Variants in CSMD1 observed in about 807,000 individuals in gnomAD.
The protein encoded by CSMD1 is CUB and Sushi multiple domains 1, also known as CUB and sushi domain-containing protein 1.
Under a neutral mutation model 417.5 loss-of-function variants are expected in CSMD1, and 213 were observed. The observed-to-expected ratio is 0.51, with a 90% CI of 0.46 to 0.57. The LOEUF is 0.57. CSMD1 is among the 20% of genes least tolerant of loss of function. CSMD1 has a pLI of 0.00. For missense variants in CSMD1, 6,923 were observed against 4,529.7 expected, an observed-to-expected ratio of 1.53 and a Z score of -15.17; for synonymous variants, 2,862 against 1,736.8, an observed-to-expected ratio of 1.65 and a Z score of -16.11.
At chr8:3,075,022 G>C (rs1441833827) in intron 49 of CSMD1, among the ~76,000 whole-genome samples, 1 of 149,842 alleles carries the variant, frequency 6.7e-6, no homozygotes, top group African/African-American at 2.5e-5. Context: ...TCATGATAGT[G>C]AGTGAGTTCT....
Position 3,915,927 on chromosome 8 carries a change from C to T in CSMD1, c.818+81976G>A, listed in dbSNP as rs1460859688. ...ATTGTGTGAGTTATCTGAGGCAGAC[C>T]TACATAAACTGGCTCCAAACTTTAG... On this transcript the variant is annotated intron_variant, in intron 5 of 69. Coordinates refer to ENST00000635120, the MANE Select transcript of CSMD1 (RefSeq NM_033225.6). 6.0e-5 allele frequency among the ~76,000 whole-genome samples: 9 copies of T among 150,658 alleles called. No homozygotes were observed. The East Asian group carries it at 1.8e-3, about 30-fold the overall frequency.
In CSMD1 at chr8:3,496,082, C is replaced by T. The variant is rs185550441; in HGVS notation, c.1345-2356G>A. Among the ~76,000 whole-genome samples the T allele has an allele frequency of 5.9e-5, 9 of 152,218 alleles. No individual in the cohort carries two copies. In the East Asian group the frequency reaches 1.7e-3, roughly 29 times the overall value. ...CAACCAATGTTCCCGAAATAGGCTC[C>T]GATGTGTGTTGTTCCTCTCCCTGTG... On this transcript the variant is annotated intron_variant, in intron 10 of 69. Transcript: ENST00000635120.
At chr8:3,026,665 C>T (rs904426252) in intron 51 of CSMD1, among the ~76,000 whole-genome samples, 14 of 152,208 alleles carry the variant, frequency 9.2e-5, no homozygotes, top group African/African-American at 3.4e-4. Flanking sequence ...CCTGTGAGAC[C>T]GTGAGCAGAG....
chr8:3,572,965 A>T (rs879384504), intron 10 of CSMD1, among the ~76,000 whole-genome samples: 11 of 152,232 alleles, frequency 7.2e-5, no homozygotes, highest in African/African-American at 1.7e-4. Flanking sequence ...AAATGCAGAA[A>T]TTAGTAAACA....
At chr8:3,244,574 C>T (rs1563180262) in intron 26 of CSMD1, among the ~76,000 whole-genome samples, 1 of 152,166 alleles carries the variant, frequency 6.6e-6, no homozygotes, top group Non-Finnish European at 1.5e-5. Flanking sequence ...GACATCAGCT[C>T]TTCAAAGGGG....
chr8:4,368,159 T>C (rs770636920), intron 3 of CSMD1, among the ~76,000 whole-genome samples: 2 of 152,156 alleles, frequency 1.3e-5, no homozygotes, highest in African/African-American at 2.4e-5. Context: ...TTTTTTGAGA[T>C]ATATTCCTTC....
intron 5 of CSMD1, among the ~76,000 whole-genome samples, chr8:3,915,264 G>T (rs1411749480): frequency 6.6e-6 from 1 of 151,834 alleles, no homozygotes; most frequent in African/African-American, 2.4e-5. Flanking sequence ...AAATTATCTG[G>T]GCATGGTAGT....
intron 6 of CSMD1, among the ~76,000 whole-genome samples, chr8:3,741,234 A>C (rs12678488): frequency 0.15 from 21,577 of 148,256 alleles, 1,865 homozygotes; most frequent in Middle Eastern, 0.17. Flanking sequence ...AAAAAAAAAA[A>C]AAAAAAACAT....
chr8:3,126,047 A>G (rs1353000240), intron 41 of CSMD1, among the ~76,000 whole-genome samples: 11 of 152,188 alleles, frequency 7.2e-5, no homozygotes, highest in Non-Finnish European at 1.2e-4. Context: ...TACATACATG[A>G]GCCTTGAAGT....
At chr8:4,124,120 G>C (rs1017903260) in intron 3 of CSMD1, among the ~76,000 whole-genome samples, 3 of 152,102 alleles carry the variant, frequency 2.0e-5, no homozygotes, top group African/African-American at 7.2e-5. Context: ...ACTATTTTCT[G>C]CAAGAAGTCA....
chr8:3,669,162 G>A (rs1210260378), intron 7 of CSMD1, among the ~76,000 whole-genome samples: 3 of 152,172 alleles, frequency 2.0e-5, no homozygotes, highest in Non-Finnish European at 4.4e-5. Flanking sequence ...AGGAAAGCAC[G>A]TACAAATGAG....
chr8:3,771,004 C>G (rs1040990408), intron 5 of CSMD1, among the ~76,000 whole-genome samples: 4 of 135,314 alleles, frequency 3.0e-5, no homozygotes, highest in African/African-American at 1.2e-4. Flanking sequence ...CTCTCTCTCT[C>G]TCTGTCAGTG....
intron 3 of CSMD1, among the ~76,000 whole-genome samples, chr8:4,298,367 T>A (rs1047287947): frequency 6.6e-6 from 1 of 152,164 alleles, no homozygotes; most frequent in African/African-American, 2.4e-5. Context: ...CTGTAATAGT[T>A]TTTATTTACT....
At chr8:3,839,695 G>A (rs1802990567) in intron 5 of CSMD1, among the ~76,000 whole-genome samples, 1 of 149,230 alleles carries the variant, frequency 6.7e-6, no homozygotes, top group Admixed American at 6.9e-5. Context: ...TTTGGGAGCT[G>A]TTGTGGAGAA....
chr8:4,032,652 T>C (rs980819108), intron 3 of CSMD1, among the ~76,000 whole-genome samples: 5 of 152,206 alleles, frequency 3.3e-5, no homozygotes, highest in Admixed American at 2.0e-4. Flanking sequence ...GATCCATCAA[T>C]GTATAAAAAA....
chr8:4,878,668 T>C lies in CSMD1; in HGVS notation c.85+115664A>G, dbSNP rs188010332. Among the ~76,000 whole-genome samples the C allele has an allele frequency of 1.4e-3, 219 of 151,988 alleles. 1 individual carries two copies. The highest frequency in any genetic ancestry group is 7.3e-3 in the Admixed American group (112 of 15,270). On this transcript the variant is annotated intron_variant, in intron 1 of 69. Coordinates refer to ENST00000635120, the MANE Select transcript of CSMD1 (RefSeq NM_033225.6). ...AAAGGAAATTTCATTACTTGTGAAA[T>C]GTGTAGGGTCTTATATTCTGTATTT... is the stretch of plus-strand genomic sequence containing the variant.
At chr8:4,296,006 T>C (rs10094999) in intron 3 of CSMD1, among the ~76,000 whole-genome samples, 145,052 of 151,844 alleles carry the variant, frequency 0.96, 69,645 homozygotes, top group East Asian at 1. Flanking sequence ...AAAGACTTTA[T>C]CTCCAACAAC....
chr8:4,705,836 C>A (rs914475826), intron 1 of CSMD1, among the ~76,000 whole-genome samples: 1 of 152,118 alleles, frequency 6.6e-6, no homozygotes, highest in Non-Finnish European at 1.5e-5. Flanking sequence ...GAGCCAGCTG[C>A]ATCTGAGTGT....
chr8:3,815,800 C>T (rs1001297765), intron 5 of CSMD1, among the ~76,000 whole-genome samples: 3 of 151,950 alleles, frequency 2.0e-5, no homozygotes, highest in Admixed American at 6.6e-5. Flanking sequence ...AGCTAGTGAA[C>T]GGGCCTAGAA....
Sources: gnomAD v4.1 joint callset for allele counts (sites outside exome capture counted in the v4.1 genomes callset) on GRCh38, gnomAD v4.1.1 for gene constraint, MANE v1.5 for transcripts, NCBI Gene and HGNC (gene_info 2026-07-23, HGNC 2026-07-21) for gene names.